Variants in NR3C1 observed in about 807,000 individuals in gnomAD.
NR3C1 encodes glucocorticoid receptor.
A neutral mutation model predicts 74.0 loss-of-function variants in NR3C1; 14 were observed. That is an observed-to-expected ratio of 0.19 (90% confidence interval 0.12 to 0.30). The LOEUF (loss-of-function observed/expected upper bound fraction) is 0.30, where lower values mean the gene tolerates loss of function less well. Ranked by LOEUF, NR3C1 falls within the 10% of genes least tolerant of loss-of-function variation. The pLI is 1.00. For missense variants in NR3C1, 695 were observed against 909.8 expected, an observed-to-expected ratio of 0.76 and a Z score of 3.04; for synonymous variants, 308 against 332.5, an observed-to-expected ratio of 0.93 and a Z score of 0.80.
chr5:143,347,417 A>G (rs1829498757), intron 2 of NR3C1, among the ~76,000 whole-genome samples: 1 of 152,154 alleles, frequency 6.6e-6, no homozygotes, highest in Non-Finnish European at 1.5e-5. Context: ...CTAGGCCTCA[A>G]CTCTAATGTT....
chr5:143,296,636 TC>T (rs904259824), intron 6 of NR3C1, among the ~76,000 whole-genome samples: 1 of 152,122 alleles, frequency 6.6e-6, no homozygotes, highest in East Asian at 1.9e-4. Context: ...AATTTTTTTT[TC>T]CCCCACAACG....
At chr5:143,387,090 G>A (rs1273023237) in intron 2 of NR3C1, among the ~76,000 whole-genome samples, 1 of 152,218 alleles carries the variant, frequency 6.6e-6, no homozygotes, top group African/African-American at 2.4e-5. Flanking sequence ...ATTGATAAGA[G>A]TAATAAGAGT....
chr5:143,358,479 T>C (rs1488710694), intron 2 of NR3C1, among the ~76,000 whole-genome samples: 2 of 152,232 alleles, frequency 1.3e-5, no homozygotes, highest in Admixed American at 6.5e-5. Context: ...GAGAGAATTA[T>C]ATTGTGTAAA....
chr5:143,424,069 T>TGGGGTCG (rs1554104660), intron 1 of NR3C1, among the ~76,000 whole-genome samples: 2 of 28,626 alleles, frequency 7.0e-5, no homozygotes, highest in Admixed American at 4.7e-4. Context: ...TTGTGGGGTG[T>TGGGGTCG]GGGGAGGGGG....
At chr5:143,375,337 T>C (rs1159625904) in intron 2 of NR3C1, among the ~76,000 whole-genome samples, 2 of 152,200 alleles carry the variant, frequency 1.3e-5, no homozygotes, top group Non-Finnish European at 2.9e-5. Context: ...GGAAAATATA[T>C]GTACACTCGT....
At chr5:143,288,821 G>C (rs982743679) in intron 7 of NR3C1, among the ~76,000 whole-genome samples, 3 of 151,918 alleles carry the variant, frequency 2.0e-5, no homozygotes, top group African/African-American at 7.3e-5. Context: ...AAAATACGTG[G>C]AAGACCAGGC....
chr5:143,422,838 A>T (rs1751306284), intron 1 of NR3C1, among the ~76,000 whole-genome samples: 1 of 152,208 alleles, frequency 6.6e-6, no homozygotes, highest in South Asian at 2.1e-4. Flanking sequence ...AGGTTGTAAG[A>T]ATAAATGAGA....
intron 3 of NR3C1, among the ~76,000 whole-genome samples, chr5:143,311,545 C>G (rs1360835772): frequency 1.3e-5 from 2 of 152,204 alleles, no homozygotes; most frequent in Non-Finnish European, 2.9e-5. Context: ...TGTTCCTTAT[C>G]TATAAAATGA....
At chr5:143,307,596 C>T (rs1222287918) in intron 4 of NR3C1, among the ~76,000 whole-genome samples, 1 of 152,012 alleles carries the variant, frequency 6.6e-6, no homozygotes, top group African/African-American at 2.4e-5. Flanking sequence ...ATTAGAGATA[C>T]GACAGAATTT....
At chr5:143,311,990 T>C (rs1821086196) in intron 3 of NR3C1, among the ~76,000 whole-genome samples, 1 of 151,616 alleles carries the variant, frequency 6.6e-6, no homozygotes, top group South Asian at 2.1e-4. Context: ...GATAAGACAA[T>C]GAGATATCTT....
At chr5:143,373,345 T>C (rs1834556515) in intron 2 of NR3C1, among the ~76,000 whole-genome samples, 2 of 152,046 alleles carry the variant, frequency 1.3e-5, no homozygotes, top group East Asian at 1.9e-4. Context: ...GAAATGTATG[T>C]ACTGTATTCA....
rs542745039 is a variant in NR3C1 at position 143,307,312 on chromosome 5, G to A, written c.1468+2785C>T. Reference sequence around the variant, plus strand: ...AATCAGATGTCAGTCACTGCCTGGGGTCGTCTTCTAGTACAGTAAGGGCAA... The same window carrying A: ...AATCAGATGTCAGTCACTGCCTGGGATCGTCTTCTAGTACAGTAAGGGCAA... On this transcript the variant is annotated intron_variant, in intron 4 of 8. Transcript: ENST00000394464. Among the ~76,000 whole-genome samples, 15 of 152,252 alleles carry A rather than the reference G, an allele frequency of 9.9e-5. No individual in the cohort carries two copies. The South Asian group carries it at 2.1e-3, about 21-fold the overall frequency.
Position 143,400,682 on chromosome 5 carries a change from T to A in NR3C1, c.158A>T (p.Gln53Leu), listed in dbSNP as rs1018341081. 4 of 1,614,060 alleles carry A rather than the reference T, an allele frequency of 2.5e-6. No individual in the cohort carries two copies. The highest frequency in any genetic ancestry group is 3.4e-6 in the Non-Finnish European group (4 of 1,179,908). ...ASSPSLAVAS[Q>L]SDSKQRRLLV... ...AAGTCTTCGCTGCTTGGAGTCTGATTGAGAAGCGACAGCCAGTGAGGGTGA... is the reference window on the plus strand; with the variant it reads ...AAGTCTTCGCTGCTTGGAGTCTGATAGAGAAGCGACAGCCAGTGAGGGTGA... The change falls in exon 2 of 9, where the codon CAA becomes CTA. Residue 53 changes from glutamine to leucine, a missense_variant. This residue lies in a region of NR3C1 where 497 missense variants were observed against 489.5 expected (regional missense o/e 1.02). Coordinates refer to ENST00000394464, the MANE Select transcript of NR3C1 (RefSeq NM_000176.3).
At chr5:143,398,062 G>T (rs1196298227) in intron 2 of NR3C1, among the ~76,000 whole-genome samples, 1 of 151,754 alleles carries the variant, frequency 6.6e-6, no homozygotes, top group Admixed American at 6.6e-5. Context: ...ATCAATTTAA[G>T]AGTTTCCTAC....
intron 2 of NR3C1, among the ~76,000 whole-genome samples, chr5:143,382,029 A>T (rs1340198240): frequency 6.6e-6 from 1 of 152,192 alleles, no homozygotes; most frequent in African/African-American, 2.4e-5. Context: ...CTGAGAAGGG[A>T]TTAATAACTA....
chr5:143,307,476 G>A (rs1388163045), intron 4 of NR3C1, among the ~76,000 whole-genome samples: 1 of 152,062 alleles, frequency 6.6e-6, no homozygotes, highest in African/African-American at 2.4e-5. Flanking sequence ...AGTTTGGATA[G>A]GGAGAAATTG....
chr5:143,291,982 C>T (rs908668581), intron 7 of NR3C1, among the ~76,000 whole-genome samples: 3 of 152,014 alleles, frequency 2.0e-5, no homozygotes, highest in Non-Finnish European at 2.9e-5. Flanking sequence ...CTCTTCAGAC[C>T]GTGGGTTTTT....
intron 2 of NR3C1, among the ~76,000 whole-genome samples, chr5:143,347,303 T>C (rs1310256583): frequency 1.3e-5 from 2 of 152,164 alleles, no homozygotes; most frequent in African/African-American, 2.4e-5. Flanking sequence ...AGAACTGAAA[T>C]TGGCATTTCC....
intron 2 of NR3C1, among the ~76,000 whole-genome samples, chr5:143,319,567 A>C (rs1196384278): frequency 6.6e-6 from 1 of 152,182 alleles, no homozygotes; most frequent in Non-Finnish European, 1.5e-5. Flanking sequence ...AGTAGTTCTC[A>C]ACAGAGAGCA....
Sources: allele counts gnomAD v4.1 joint callset (sites outside exome capture counted in the v4.1 genomes callset), GRCh38; gene constraint gnomAD v4.1.1; regional missense constraint gnomAD v4.1.1; transcripts MANE v1.5; gene names NCBI Gene and HGNC (gene_info 2026-07-23, HGNC 2026-07-21).